Variants in FARSB observed in about 807,000 individuals in gnomAD.
The protein encoded by FARSB is phenylalanyl-tRNA synthetase subunit beta, also known as phenylalanine--tRNA ligase beta subunit.
A neutral mutation model predicts 69.6 loss-of-function variants in FARSB; 40 were observed. That is an observed-to-expected ratio of 0.57 (90% CI 0.45 to 0.75). FARSB has a LOEUF of 0.75. Ranked by LOEUF, FARSB falls within the 30% of genes least tolerant of loss-of-function variation. FARSB has a pLI of 0.00. For missense variants in FARSB, 632 were observed against 722.9 expected (o/e 0.87, Z 1.44); for synonymous variants, 235 against 247.2 (o/e 0.95, Z 0.46).
intron 1 of FARSB, among the ~76,000 whole-genome samples, chr2:222,649,016 C>T (rs1691951262): frequency 6.6e-6 from 1 of 151,770 alleles, no homozygotes; most frequent in Non-Finnish European, 1.5e-5. Context: ...CATCTGAGGT[C>T]AGGAGTTTGA....
intron 16 of FARSB, among the ~76,000 whole-genome samples, chr2:222,599,688 G>A (rs1486888943): frequency 6.6e-6 from 1 of 152,150 alleles, no homozygotes; most frequent in African/African-American, 2.4e-5. Context: ...CAGTAACTAG[G>A]GGTTACAGCT....
chr2:222,653,295 G>A (rs1692083769), intron 1 of FARSB, among the ~76,000 whole-genome samples: 1 of 152,126 alleles, frequency 6.6e-6, no homozygotes. Flanking sequence ...GTGGTAAAAA[G>A]GAAGGTGGGG....
At chr2:222,627,157 A>T (rs1374494951) in intron 10 of FARSB, among the ~76,000 whole-genome samples, 3 of 152,152 alleles carry the variant, frequency 2.0e-5, no homozygotes, top group Non-Finnish European at 4.4e-5. Context: ...AATGGCCACA[A>T]ATTTCTCCCC....
intron 16 of FARSB, among the ~76,000 whole-genome samples, chr2:222,582,930 G>GAAA (rs869277740): frequency 9.6e-6 from 1 of 104,518 alleles, no homozygotes; most frequent in East Asian, 2.8e-4. Context: ...GTCTCCAAAA[G>GAAA]AAAAAAAAAA....
At chr2:222,585,902 A>G (rs919560085) in intron 16 of FARSB, among the ~76,000 whole-genome samples, 10 of 152,246 alleles carry the variant, frequency 6.6e-5, no homozygotes, top group South Asian at 4.1e-4. Context: ...TGTACCTGAA[A>G]GTGACGGGGA....
At chr2:222,574,382 A>C (rs982378958) in intron 16 of FARSB, among the ~76,000 whole-genome samples, 2 of 152,256 alleles carry the variant, frequency 1.3e-5, no homozygotes, top group Non-Finnish European at 2.9e-5. Flanking sequence ...CAAGCATATG[A>C]GTATTCTACA....
intron 16 of FARSB, among the ~76,000 whole-genome samples, chr2:222,586,960 T>C (rs1690131208): frequency 6.6e-6 from 1 of 152,058 alleles, no homozygotes; most frequent in African/African-American, 2.4e-5. Context: ...AGACAGAAAG[T>C]TAACAAGGAT....
Position 222,623,646 on chromosome 2 carries a change from A to G in FARSB, c.1251+4T>C. 7.7e-6 allele frequency: 12 copies of G among 1,555,002 alleles called. No homozygotes were observed. Among genetic ancestry groups the G allele is most frequent in the Non-Finnish European group, 1.1e-5 (12 of 1,126,014 alleles). On this transcript the variant is annotated splice_donor_region_variant and intron_variant, in intron 13 of 16. Transcript: ENST00000281828. ...TCTGGGCAGAAAAAGCATGTAAGAC[A>G]TACCAGGGCAAAGGTAAGTGCTTCA... is the stretch of plus-strand genomic sequence containing the variant.
At chr2:222,588,655 A>G (rs1690185311) in intron 16 of FARSB, among the ~76,000 whole-genome samples, 1 of 152,244 alleles carries the variant, frequency 6.6e-6, no homozygotes, top group Non-Finnish European at 1.5e-5. Flanking sequence ...AAGCAACTTC[A>G]GCAAAGTCTC....
chr2:222,587,918 C>G (rs1326301394), intron 16 of FARSB, among the ~76,000 whole-genome samples: 2 of 152,164 alleles, frequency 1.3e-5, no homozygotes, highest in Non-Finnish European at 1.5e-5. Context: ...CAGCCAAATT[C>G]TATCAGAGGT....
intron 5 of FARSB, among the ~76,000 whole-genome samples, chr2:222,639,268 G>C (rs1691655878): frequency 6.6e-6 from 1 of 152,140 alleles, no homozygotes; most frequent in South Asian, 2.1e-4. Context: ...ACAACAAAAA[G>C]CAGGGAAGTC....
intron 16 of FARSB, among the ~76,000 whole-genome samples, chr2:222,589,359 A>C (rs555913488): frequency 1.3e-5 from 2 of 152,308 alleles, no homozygotes; most frequent in Non-Finnish European, 2.9e-5. Flanking sequence ...TACAAAAATT[A>C]ATTCAAGATG....
Position 222,600,092 on chromosome 2 carries a change from A to G in FARSB, c.1463-9T>C. 1 of 1,602,402 alleles carries G rather than the reference A, an allele frequency of 6.2e-7. No individual in the cohort carries two copies. Among genetic ancestry groups the G allele is most frequent in the Non-Finnish European group, 8.5e-7 (1 of 1,176,700 alleles). On this transcript the variant is annotated splice_polypyrimidine_tract_variant and intron_variant, in intron 15 of 16. Coordinates refer to ENST00000281828, the MANE Select transcript of FARSB (RefSeq NM_005687.5). The stretch of plus-strand genomic sequence containing the variant: ...GTTTTTTGCACCTACATCTAGAAAA[A>G]TAAAGGAACTGGTCACAACGCTGTA...
At chr2:222,600,488 A>G (rs943012453) in intron 15 of FARSB, among the ~76,000 whole-genome samples, 7 of 152,222 alleles carry the variant, frequency 4.6e-5, no homozygotes, top group African/African-American at 1.7e-4. Context: ...TTACTACAAC[A>G]TTATTTCCAA....
rs1052417787 is a variant in FARSB at position 222,568,141 on chromosome 2, C to G, written c.*3730G>C. 1 of 152,088 alleles carries G rather than the reference C, an allele frequency of 6.6e-6. No individual in the cohort carries two copies. The highest frequency in any genetic ancestry group is 1.5e-5 in the Non-Finnish European group (1 of 68,028). The allele number at this position is 152,088 out of a possible 1,614,324, so 9.4% of individuals were successfully genotyped here. On this transcript the variant is annotated 3_prime_UTR_variant, in exon 17 of 17. Coordinates refer to ENST00000281828, the MANE Select transcript of FARSB (RefSeq NM_005687.5). The surrounding 1 kb of genome is among the most constrained non-coding windows in gnomAD (Gnocchi z 4.3). The stretch of plus-strand genomic sequence containing the variant: ...CAAGGAAAATGTCCAAACTAAGGAA[C>G]AATACAGGCTAAATTGTTAACAGCA...
chr2:222,585,167 A>G (rs1245102768), intron 16 of FARSB, among the ~76,000 whole-genome samples: 1 of 152,214 alleles, frequency 6.6e-6, no homozygotes, highest in African/African-American at 2.4e-5. Flanking sequence ...TCAGGCAGCA[A>G]CATTTGCCGT....
In FARSB at chr2:222,634,381, G is replaced by C. The variant is rs755437732; in HGVS notation, c.606+10C>G. 3 of 1,534,332 alleles carry C rather than the reference G, an allele frequency of 2.0e-6. No individual in the cohort carries two copies. In the African/African-American group the frequency reaches 4.2e-5, roughly 21 times the overall value. ...TGCAAAGCTGCTGCATAATCAAAAA[G>C]AATATTTACCTTGTATATGTTCATC... On this transcript the variant is annotated intron_variant, in intron 6 of 16. Transcript: ENST00000281828.
intron 5 of FARSB, among the ~76,000 whole-genome samples, chr2:222,638,599 TTGC>T (rs1691641929): frequency 6.6e-6 from 1 of 152,196 alleles, no homozygotes. Context: ...GAAAAAAATG[TTGC>T]TACTACCACA....
intron 16 of FARSB, among the ~76,000 whole-genome samples, chr2:222,582,881 C>T (rs566869180): frequency 8.6e-5 from 13 of 151,288 alleles, no homozygotes; most frequent in African/African-American, 1.7e-4. Context: ...GCCGAGATCA[C>T]GCCACTGCAC....
Sources: gnomAD v4.1 joint callset for allele counts (sites outside exome capture counted in the v4.1 genomes callset) on GRCh38, gnomAD v4.1.1 for gene constraint, Gnocchi (gnomAD v3.1) non-coding constraint, MANE v1.5 for transcripts, NCBI Gene and HGNC (gene_info 2026-07-23, HGNC 2026-07-21) for gene names.